CAMKMT: variants seen among roughly 807,000 people sequenced by gnomAD.
The protein encoded by CAMKMT is calmodulin-lysine N-methyltransferase, also known as CaM KMT.
In CAMKMT, 53 loss-of-function variants were observed where a neutral mutation model predicts 48.0. That is an observed-to-expected ratio of 1.10 (90% CI 0.89 to 1.39). The LOEUF (loss-of-function observed/expected upper bound fraction) is 1.39. Among genes scored for constraint, CAMKMT ranks in the 40% most tolerant of loss-of-function variants. The pLI is 0.00. For missense variants in CAMKMT, 428 were observed against 402.7 expected (o/e 1.06, Z -0.54); for synonymous variants, 165 against 152.3 (o/e 1.08, Z -0.61).
intron 3 of CAMKMT, among the ~76,000 whole-genome samples, chr2:44,595,670 A>G (rs868714700): frequency 6.6e-6 from 1 of 152,226 alleles, no homozygotes; most frequent in Non-Finnish European, 1.5e-5. Flanking sequence ...AACTACTATA[A>G]AGACACATGC....
intron 3 of CAMKMT, among the ~76,000 whole-genome samples, chr2:44,575,761 G>A (rs561727839): frequency 2.6e-5 from 4 of 151,630 alleles, no homozygotes; most frequent in African/African-American, 9.7e-5. Flanking sequence ...GGAGGCTGAG[G>A]TGGGAGGATT....
intron 3 of CAMKMT, among the ~76,000 whole-genome samples, chr2:44,620,847 T>C (rs1271444369): frequency 6.6e-6 from 1 of 152,238 alleles, no homozygotes; most frequent in Non-Finnish European, 1.5e-5. Flanking sequence ...TAGCTATGTG[T>C]CATTGGGCAA....
intron 3 of CAMKMT, among the ~76,000 whole-genome samples, chr2:44,635,072 C>CA (rs1673048044): frequency 6.6e-6 from 1 of 152,016 alleles, no homozygotes; most frequent in Non-Finnish European, 1.5e-5. Flanking sequence ...GACACTGTTT[C>CA]AAAAACAATA....
At chr2:44,626,486 C>A (rs1463038592) in intron 3 of CAMKMT, among the ~76,000 whole-genome samples, 1 of 152,002 alleles carries the variant, frequency 6.6e-6, no homozygotes, top group African/African-American at 2.4e-5. Context: ...GCTATTATGT[C>A]AAAATACCAT....
At chr2:44,518,610 C>A (rs72879371) in intron 3 of CAMKMT, among the ~76,000 whole-genome samples, 14 of 152,174 alleles carry the variant, frequency 9.2e-5, no homozygotes, top group African/African-American at 3.4e-4. Context: ...TAAGCTGCTT[C>A]CCTTTGCAGA....
chr2:44,629,296 T>C (rs1672671982), intron 3 of CAMKMT, among the ~76,000 whole-genome samples: 1 of 152,188 alleles, frequency 6.6e-6, no homozygotes, highest in African/African-American at 2.4e-5. Context: ...CAGTAATATT[T>C]GTTCTTTGAA....
chr2:44,465,009 T>A (rs2104630878), intron 3 of CAMKMT, among the ~76,000 whole-genome samples: 1 of 152,302 alleles, frequency 6.6e-6, no homozygotes, highest in South Asian at 2.1e-4. Flanking sequence ...GATATTTATC[T>A]TTTAAATTGG....
intron 3 of CAMKMT, among the ~76,000 whole-genome samples, chr2:44,445,044 A>G (rs1228780504): frequency 1.3e-5 from 2 of 152,206 alleles, no homozygotes; most frequent in African/African-American, 4.8e-5. Context: ...GGCACAGTGC[A>G]GGTGAGCATG....
chr2:44,637,516 CCCTGCCA>C (rs1252899006), intron 3 of CAMKMT, among the ~76,000 whole-genome samples: 1 of 152,148 alleles, frequency 6.6e-6, no homozygotes, highest in Non-Finnish European at 1.5e-5. Flanking sequence ...TACTTCACGT[CCCTGCCA>C]CCATTAACTT....
At position 44,539,002 on chromosome 2, in the gene CAMKMT, GTA is replaced by G. The variant is rs1296624394; in HGVS notation, c.376+148699_376+148700del. Among the ~76,000 whole-genome samples the G allele has an allele frequency of 2.4e-4, 27 of 111,650 alleles. No individual in the cohort carries two copies. In the East Asian group the frequency reaches 6.5e-3, roughly 27 times the overall value. 73.2% of individuals were successfully genotyped at this position (111,650 alleles called of 152,430 possible). ...TGTGTGTGTGTGTGTGTGTGTGTGT[GTA>G]TGTATATAATACTTCTCGGCTAGGC... On this transcript the variant is annotated intron_variant, in intron 3 of 10. Coordinates refer to ENST00000378494, the MANE Select transcript of CAMKMT (RefSeq NM_024766.5).
chr2:44,704,400 T>C (rs777553443), intron 4 of CAMKMT, 57 bp downstream of exon 4: 6 of 1,146,782 alleles, frequency 5.2e-6, no homozygotes, highest in Non-Finnish European at 7.4e-6. Flanking sequence ...AATCAACATA[T>C]TAAAAATTGC....
At chr2:44,679,822 C>T (rs149408539) in intron 3 of CAMKMT, among the ~76,000 whole-genome samples, 408 of 152,362 alleles carry the variant, frequency 2.7e-3, no homozygotes, top group South Asian at 9.3e-3. Flanking sequence ...GAATAAGCAT[C>T]AGGCTGACTG....
chr2:44,475,509 G>C (rs1395977680), intron 3 of CAMKMT, among the ~76,000 whole-genome samples: 2 of 151,932 alleles, frequency 1.3e-5, no homozygotes, highest in South Asian at 2.1e-4. Context: ...GTAGAGATGG[G>C]GTTTCACCAT....
chr2:44,769,107 T>C (rs1680990798), intron 10 of CAMKMT, among the ~76,000 whole-genome samples: 1 of 150,854 alleles, frequency 6.6e-6, no homozygotes, highest in Non-Finnish European at 1.5e-5. Flanking sequence ...AAAAATTAGT[T>C]ACTTGGCAGT....
intron 3 of CAMKMT, among the ~76,000 whole-genome samples, chr2:44,638,744 T>C (rs996678673): frequency 2.0e-5 from 3 of 152,134 alleles, no homozygotes; most frequent in African/African-American, 4.8e-5. Flanking sequence ...AGAAGAAAAA[T>C]AGACAAGTAG....
intron 3 of CAMKMT, among the ~76,000 whole-genome samples, chr2:44,642,311 G>A (rs945427083): frequency 5.3e-5 from 8 of 152,158 alleles, no homozygotes; most frequent in Non-Finnish European, 8.8e-5. Flanking sequence ...GAAGATAAGG[G>A]TGCAGAGAAA....
At chr2:44,439,175 T>C (rs1666479675) in intron 3 of CAMKMT, among the ~76,000 whole-genome samples, 1 of 152,172 alleles carries the variant, frequency 6.6e-6, no homozygotes, top group East Asian at 1.9e-4. Flanking sequence ...GAACCCAAAT[T>C]GAAACCACCA....
intron 3 of CAMKMT, among the ~76,000 whole-genome samples, chr2:44,467,138 C>T (rs528613246): frequency 6.6e-6 from 1 of 152,160 alleles, no homozygotes; most frequent in Admixed American, 6.5e-5. Context: ...GCTGCAGTCT[C>T]AGCTACTCAG....
Position 44,371,831 on chromosome 2 carries a change from T to G in CAMKMT, c.139-885T>G, listed in dbSNP as rs191209996. Among the ~76,000 whole-genome samples the G allele has an allele frequency of 2.7e-3, 411 of 152,284 alleles. 1 individual carries two copies. Among genetic ancestry groups the G allele is most frequent in the African/African-American group, 8.0e-3 (333 of 41,558 alleles). ...TTAATTGATGTCATGAAATATCTGA[T>G]CAGTTTTCAAATTTTCCCCATTTTG... On this transcript the variant is annotated intron_variant, in intron 1 of 10. Coordinates refer to ENST00000378494, the MANE Select transcript of CAMKMT (RefSeq NM_024766.5).
Sources: gnomAD v4.1 joint callset for allele counts (sites outside exome capture counted in the v4.1 genomes callset) on GRCh38, gnomAD v4.1.1 for gene constraint, MANE v1.5 for transcripts, NCBI Gene and HGNC (gene_info 2026-07-23, HGNC 2026-07-21) for gene names.